Variants in ITPR2 observed in about 807,000 individuals in gnomAD.
The protein encoded by ITPR2 is inositol 1,4,5-trisphosphate receptor type 2.
A neutral mutation model predicts 317.1 loss-of-function variants in ITPR2; 207 were observed. That is an observed-to-expected ratio of 0.65 (90% CI 0.58 to 0.73). The LOEUF (loss-of-function observed/expected upper bound fraction) is 0.73. Among genes scored for constraint, ITPR2 ranks in the 30% least tolerant of loss-of-function variants. The pLI is 0.00. For missense variants in ITPR2, 2,613 were observed against 3,284.0 expected (o/e 0.80, Z 4.99); for synonymous variants, 1,156 against 1,149.1 (o/e 1.01, Z -0.12).
intron 32 of ITPR2, among the ~76,000 whole-genome samples, chr12:26,582,040 A>G (rs1000126160): frequency 1.3e-5 from 2 of 152,114 alleles, no homozygotes; most frequent in Admixed American, 6.6e-5. Context: ...GACTTTCTTC[A>G]AAATCCAGGG....
At chr12:26,632,111 T>C (rs1337596880) in intron 21 of ITPR2, 52 bp from the exon 22 acceptor site, 3 of 1,421,262 alleles carry the variant, frequency 2.1e-6, no homozygotes, top group South Asian at 3.0e-5. Flanking sequence ...GGAGATCATG[T>C]AACTATAAAA....
At chr12:26,419,874 A>G (rs1253674313) in intron 49 of ITPR2, 2 of 152,082 alleles carry the variant, frequency 1.3e-5, no homozygotes, top group Non-Finnish European at 2.9e-5. Context: ...TTATTTTTGC[A>G]TTTAATTTAT....
At chr12:26,475,028 C>A (rs1448671418) in intron 45 of ITPR2, among the ~76,000 whole-genome samples, 1 of 152,068 alleles carries the variant, frequency 6.6e-6, no homozygotes, top group African/African-American at 2.4e-5. Flanking sequence ...CATGGTTTAT[C>A]CATGGCTCAG....
intron 32 of ITPR2, among the ~76,000 whole-genome samples, chr12:26,595,155 T>G (rs1373123172): frequency 1.3e-5 from 2 of 152,214 alleles, no homozygotes; most frequent in Non-Finnish European, 1.5e-5. Context: ...CAAATTGACC[T>G]CTGCCAAATA....
chr12:26,520,157 GAGAA>G (rs769027015), intron 37 of ITPR2, among the ~76,000 whole-genome samples: 2 of 152,162 alleles, frequency 1.3e-5, no homozygotes, highest in Non-Finnish European at 1.5e-5. Flanking sequence ...AAGGTTTTCA[GAGAA>G]ACATACCAGT....
At chr12:26,442,098 C>A (rs976045536) in intron 46 of ITPR2, among the ~76,000 whole-genome samples, 1 of 152,036 alleles carries the variant, frequency 6.6e-6, no homozygotes, top group African/African-American at 2.4e-5. Context: ...TGTCTCCAAA[C>A]GGCAACCAGA....
chr12:26,696,397 A>ATCAGTTTAAGTGGAACACAAC (rs1268365318), intron 9 of ITPR2, among the ~76,000 whole-genome samples: 22 of 152,226 alleles, frequency 1.4e-4, no homozygotes, highest in Non-Finnish European at 3.1e-4. Flanking sequence ...AATCATTTTA[A>ATCAGTTTAAGTGGAACACAAC]TGTGAATCAA....
Position 26,578,784 on chromosome 12 carries a change from T to C in ITPR2, c.4559A>G (p.Tyr1520Cys). 2 of 1,611,178 alleles carry C rather than the reference T, an allele frequency of 1.2e-6. No homozygotes were observed. Reference sequence around the variant, plus strand: ...CGCTGGGTTTGGCCAGGTGCAATTGTAAATTCTGAAGGCAGATTGCAGTAG... The same window carrying C: ...CGCTGGGTTTGGCCAGGTGCAATTGCAAATTCTGAAGGCAGATTGCAGTAG... Reference protein sequence around the residue: ...IQLLQSAFRIYNCTWPNPAQK... With the variant: ...IQLLQSAFRICNCTWPNPAQK... The change falls in exon 34 of 57, where the codon TAC (tyrosine) becomes TGC (cysteine). Residue 1520 changes from tyrosine to cysteine, a missense_variant. Tyr to Cys is a radical substitution (Grantham distance 194, BLOSUM62 -2). Around this residue, in one of 9 missense-constraint regions of ITPR2, gnomAD observed 926 missense variants for 1,072.8 expected, o/e 0.86. Coordinates refer to ENST00000381340, the MANE Select transcript of ITPR2 (RefSeq NM_002223.4).
At chr12:26,352,817 AGAG>A (rs1234611736) in intron 55 of ITPR2, among the ~76,000 whole-genome samples, 2 of 152,240 alleles carry the variant, frequency 1.3e-5, no homozygotes, top group Non-Finnish European at 2.9e-5. Flanking sequence ...CTGTTCTCTC[AGAG>A]AAGAGAACTG....
At chr12:26,599,624 C>T (rs558185637) in intron 29 of ITPR2, among the ~76,000 whole-genome samples, 1 of 152,232 alleles carries the variant, frequency 6.6e-6, no homozygotes, top group Non-Finnish European at 1.5e-5. Context: ...AAAATTAGGT[C>T]TTCCATAAAA....
intron 45 of ITPR2, among the ~76,000 whole-genome samples, chr12:26,470,870 T>C (rs900727552): frequency 2.0e-5 from 3 of 152,230 alleles, no homozygotes; most frequent in Admixed American, 6.5e-5. Flanking sequence ...ATGTTAATCA[T>C]AGCGTAATTT....
chr12:26,550,355 C>T lies in ITPR2; in HGVS notation c.4965G>A (p.Lys1655=), dbSNP rs1944495473. The change falls in exon 37 of 57, where the codon AAG becomes AAA. Residue 1655 remains lysine (K), a splice_region_variant and synonymous_variant. Transcript: ENST00000381340. ...TTAGTTTCTTTGTATGATTAATCAA[C>T]CTTAAAGCAAAACATGAGACCTTTA... ...ARIRCGAFMS[K]LINHTKKLME... 2 of 1,240,564 alleles carry T rather than the reference C, an allele frequency of 1.6e-6. No individual in the cohort carries two copies. Among genetic ancestry groups the T allele is most frequent in the Admixed American group, 1.8e-5 (1 of 54,590 alleles). 76.8% of individuals were successfully genotyped at this position (1,240,564 alleles called of 1,614,324 possible).
chr12:26,784,640 G>C (rs1277562113), intron 2 of ITPR2, among the ~76,000 whole-genome samples: 2 of 151,266 alleles, frequency 1.3e-5, no homozygotes, highest in East Asian at 4.0e-4. Context: ...TTGTTCACTC[G>C]GTGCTCAATG....
chr12:26,459,635 A>G (rs1331489093), intron 45 of ITPR2, among the ~76,000 whole-genome samples: 2 of 151,766 alleles, frequency 1.3e-5, no homozygotes, highest in East Asian at 3.9e-4. Context: ...CATTCCCTCA[A>G]TTTTCTGTGG....
intron 37 of ITPR2, among the ~76,000 whole-genome samples, chr12:26,542,287 G>A (rs1181311027): frequency 6.6e-6 from 1 of 152,144 alleles, no homozygotes; most frequent in Non-Finnish European, 1.5e-5. Flanking sequence ...TAAAATTGAA[G>A]AACTTTTCAT....
chr12:26,473,326 C>T (rs1436972629), intron 45 of ITPR2, among the ~76,000 whole-genome samples: 2 of 152,170 alleles, frequency 1.3e-5, no homozygotes, highest in Non-Finnish European at 2.9e-5. Context: ...TAATGGATGT[C>T]AGGTGGTTCA....
intron 13 of ITPR2, among the ~76,000 whole-genome samples, chr12:26,676,616 T>C (rs1432491367): frequency 6.6e-6 from 1 of 150,784 alleles, no homozygotes; most frequent in Non-Finnish European, 1.5e-5. Flanking sequence ...AAAGAACAAG[T>C]GAGATACAAG....
At chr12:26,590,487 T>G (rs955697581) in intron 32 of ITPR2, among the ~76,000 whole-genome samples, 3 of 152,200 alleles carry the variant, frequency 2.0e-5, no homozygotes, top group African/African-American at 7.2e-5. Flanking sequence ...TGAACTCATT[T>G]TCCACAAAGG....
intron 54 of ITPR2, among the ~76,000 whole-genome samples, chr12:26,391,285 C>T (rs1047544421): frequency 6.6e-5 from 10 of 152,072 alleles, no homozygotes; most frequent in Non-Finnish European, 1.3e-4. Context: ...CCCTATTTAG[C>T]GGAAGAGTCA....
Sources: allele counts gnomAD v4.1 joint callset (sites outside exome capture counted in the v4.1 genomes callset), GRCh38; gene constraint gnomAD v4.1.1; regional missense constraint gnomAD v4.1.1; transcripts MANE v1.5; gene names NCBI Gene and HGNC (gene_info 2026-07-23, HGNC 2026-07-21).